DDX42: variants seen among roughly 807,000 people sequenced by gnomAD.
DDX42 encodes DEAD-box helicase 42.
DDX42 carries 22 observed loss-of-function variants against 101.5 expected under a neutral mutation model. That is an observed-to-expected ratio of 0.22 (90% CI 0.15 to 0.31). The LOEUF (loss-of-function observed/expected upper bound fraction) is 0.31. DDX42 is among the 10% of genes least tolerant of loss of function. The pLI is 1.00. For missense variants in DDX42, 849 were observed against 1,199.9 expected (o/e 0.71, Z 4.32); for synonymous variants, 402 against 401.2 (o/e 1.00, Z -0.02).
At chr17:63,789,781 C>A (rs889956000) in intron 2 of DDX42, among the ~76,000 whole-genome samples, 2 of 151,694 alleles carry the variant, frequency 1.3e-5, no homozygotes, top group African/African-American at 4.8e-5. Flanking sequence ...CCGTGTTGGC[C>A]AGGCTGGTTT....
At position 63,818,204 on chromosome 17, in the gene DDX42, C is replaced by G. The variant is rs770547328; in HGVS notation, c.2623C>G (p.Arg875Gly). ...GGSAGRHGEN[R>G]GANDGRNGES... ...AAGCGCAGGCCGGCATGGGGAGAAC[C>G]GGGGTGCAAATGATGGTCGGAATGG... Residue 875 changes from arginine to glycine, a missense_variant, in exon 18 of 18, where the codon CGG becomes GGG. Physicochemically the swap from Arg to Gly is moderately radical, Grantham distance 125. This residue lies in a region of DDX42 where 300 missense variants were observed against 304.9 expected (regional missense o/e 0.98). Transcript: ENST00000389924. The G allele has an allele frequency of 3.1e-6, 5 of 1,613,888 alleles. No individual in the cohort carries two copies. Among genetic ancestry groups the G allele is most frequent in the East Asian group, 2.2e-5 (1 of 44,886 alleles).
intron 1 of DDX42, among the ~76,000 whole-genome samples, chr17:63,779,248 G>GTTT (rs1435309065): frequency 6.6e-6 from 1 of 152,022 alleles, no homozygotes; most frequent in Admixed American, 6.6e-5. Flanking sequence ...TTCCCCAAGT[G>GTTT]TGTTTTTTTT....
At chr17:63,785,000 A>G (rs907073645) in intron 1 of DDX42, among the ~76,000 whole-genome samples, 1 of 152,198 alleles carries the variant, frequency 6.6e-6, no homozygotes, top group Non-Finnish European at 1.5e-5. Flanking sequence ...CACTAAGACA[A>G]TATGTACAGT....
At chr17:63,806,512 T>G (rs1396039883) in intron 7 of DDX42, 23 bp from the exon 8 acceptor site, 2 of 1,603,398 alleles carry the variant, frequency 1.2e-6, no homozygotes, top group Non-Finnish European at 8.5e-7. Flanking sequence ...CAAGTCATTC[T>G]GGGGAGTTGT....
Position 63,810,633 on chromosome 17 carries a change from A to T in DDX42, c.1300+73A>T. The T allele has an allele frequency of 6.4e-6, 9 of 1,405,706 alleles. 1 individual carries two copies. Among genetic ancestry groups the T allele is most frequent in the South Asian group, 2.3e-5 (2 of 85,766 alleles). The allele number at this position is 1,405,706 out of a possible 1,614,324, so 87.1% of individuals were successfully genotyped here. ...ACTTATTTATTTTATAAGCACTCAG[A>T]GTTATGGAAGTAAAAATGATCTTGT... On this transcript the variant is annotated intron_variant, in intron 12 of 17. Coordinates refer to ENST00000389924, the MANE Select transcript of DDX42 (RefSeq NM_203499.3).
chr17:63,787,717 A>G (rs1034642947), intron 2 of DDX42, among the ~76,000 whole-genome samples: 3 of 151,994 alleles, frequency 2.0e-5, no homozygotes, highest in Non-Finnish European at 4.4e-5. Context: ...GCACGCCTAT[A>G]ATCCCAACTA....
chr17:63,787,376 T>A (rs2039559617), intron 2 of DDX42, 106 bp downstream of exon 2: 2 of 1,133,672 alleles, frequency 1.8e-6, no homozygotes, highest in East Asian at 5.1e-5. Flanking sequence ...AATAATGAAT[T>A]CTTAAATTAT....
At chr17:63,789,895 T>C (rs1295114600) in intron 2 of DDX42, among the ~76,000 whole-genome samples, 1 of 152,136 alleles carries the variant, frequency 6.6e-6, no homozygotes, top group Non-Finnish European at 1.5e-5. Context: ...AAGTACACAG[T>C]AATATTTTAG....
chr17:63,783,358 A>G (rs2039510942), intron 1 of DDX42, among the ~76,000 whole-genome samples: 1 of 152,090 alleles, frequency 6.6e-6, no homozygotes, highest in South Asian at 2.1e-4. Context: ...ATGTCTTTCC[A>G]CTATCCTTTC....
intron 15 of DDX42, 94 bp downstream of exon 15, chr17:63,813,548 A>G: frequency 8.5e-7 from 1 of 1,173,836 alleles, no homozygotes; most frequent in South Asian, 1.5e-5. Flanking sequence ...TTGACAAGAA[A>G]GTTGGGTGGC....
intron 1 of DDX42, among the ~76,000 whole-genome samples, chr17:63,776,835 A>G (rs2039427405): frequency 6.6e-6 from 1 of 152,158 alleles, no homozygotes; most frequent in Non-Finnish European, 1.5e-5. Context: ...GGTTCATATC[A>G]AGTTAGTAGC....
chr17:63,782,274 G>A (rs1283268482), intron 1 of DDX42, among the ~76,000 whole-genome samples: 4 of 152,156 alleles, frequency 2.6e-5, no homozygotes, highest in Admixed American at 1.3e-4. Flanking sequence ...GCAAGACTCC[G>A]TCTTGGGGAG....
At chr17:63,793,327 G>T (rs1396372493) in intron 3 of DDX42, among the ~76,000 whole-genome samples, 1 of 151,276 alleles carries the variant, frequency 6.6e-6, no homozygotes, top group East Asian at 1.9e-4. Flanking sequence ...GAGTGTAGTA[G>T]TATGATCATG....
chr17:63,790,427 C>A (rs7207569), intron 2 of DDX42, among the ~76,000 whole-genome samples: 42,419 of 151,868 alleles, frequency 0.28, 6,300 homozygotes, highest in Middle Eastern at 0.37. Context: ...AAGTTTGAGA[C>A]CAGCCTGGAC....
At chr17:63,811,053 A>G in intron 12 of DDX42, 23 bp from the exon 13 acceptor site, 1 of 1,602,482 alleles carries the variant, frequency 6.2e-7, no homozygotes, top group Non-Finnish European at 8.5e-7. Context: ...TGTTTCTCTA[A>G]CAGAATTTAT....
intron 1 of DDX42, among the ~76,000 whole-genome samples, chr17:63,777,450 CTTT>C (rs1336711645): frequency 2.9e-5 from 4 of 139,196 alleles, no homozygotes; most frequent in Non-Finnish European, 1.6e-5. Context: ...CTTTTTCTTT[CTTT>C]TTTTTTTTTT....
Position 63,818,627 on chromosome 17 carries a change from C to T in DDX42, c.*229C>T. 2.0e-6 allele frequency: 1 copy of T among 505,778 alleles called. No individual in the cohort carries two copies. The highest frequency in any genetic ancestry group is 1.9e-5 in the African/African-American group (1 of 52,578). 31.3% of individuals were successfully genotyped at this position (505,778 alleles called of 1,614,324 possible). On this transcript the variant is annotated 3_prime_UTR_variant, in exon 18 of 18. Transcript: ENST00000389924. ...GAGAGCTGGGAAGCTTCTTTTGGCT[C>T]TAGGTGAGTTGTCATGTGGGTAAGT...
chr17:63,781,881 G>C (rs1167031424), intron 1 of DDX42, among the ~76,000 whole-genome samples: 1 of 152,100 alleles, frequency 6.6e-6, no homozygotes, highest in African/African-American at 2.4e-5. Flanking sequence ...CTGGTGGCAG[G>C]TGCCTGTAGT....
intron 1 of DDX42, among the ~76,000 whole-genome samples, chr17:63,786,438 T>C (rs1352576818): frequency 2.6e-5 from 4 of 152,174 alleles, no homozygotes; most frequent in Non-Finnish European, 4.4e-5. Context: ...TTTTCTTTTT[T>C]AATGTAAAAA....
Sources: allele counts gnomAD v4.1 joint callset (sites outside exome capture counted in the v4.1 genomes callset), GRCh38; gene constraint gnomAD v4.1.1; regional missense constraint gnomAD v4.1.1; transcripts MANE v1.5; gene names NCBI Gene and HGNC (gene_info 2026-07-23, HGNC 2026-07-21).